Variants in PRSS23 observed in about 807,000 individuals in gnomAD.
PRSS23 encodes serine protease 23, also known as protease, serine 23.
A neutral mutation model predicts 34.7 loss-of-function variants in PRSS23; 25 were observed. The observed-to-expected ratio is 0.72, with a 90% CI of 0.53 to 1.01. PRSS23 has a LOEUF of 1.01. PRSS23 is among the 50% of genes least tolerant of loss of function. The pLI, the probability that PRSS23 is intolerant of heterozygous loss-of-function variation, is 0.00. For synonymous variants in PRSS23, 176 were observed against 186.6 expected (o/e 0.94, Z 0.46); for missense variants, 445 against 475.6 (o/e 0.94, Z 0.60).
chr11:86,911,375 T>C (rs562579106), intron 2 of PRSS23: 1 of 152,320 alleles, frequency 6.6e-6, no homozygotes, highest in African/African-American at 2.4e-5. Context: ...GTATATTGCA[T>C]AATGCTGATG....
chr11:86,833,261 A>T, intron 2 of PRSS23: 1 of 1,578,734 alleles, frequency 6.3e-7, no homozygotes, highest in Admixed American at 1.7e-5. Flanking sequence ...TCAGCCAAGG[A>T]CAGGTTGGAG....
chr11:86,873,686 C>G (rs1590905909), intron 2 of PRSS23, among the ~76,000 whole-genome samples: 1 of 152,120 alleles, frequency 6.6e-6, no homozygotes, highest in Admixed American at 6.5e-5. Flanking sequence ...TTTTCAAACT[C>G]AAAGTAAGTA....
At chr11:86,836,598 C>G (rs938503356) in intron 2 of PRSS23, among the ~76,000 whole-genome samples, 2 of 152,196 alleles carry the variant, frequency 1.3e-5, no homozygotes, top group Non-Finnish European at 2.9e-5. Flanking sequence ...GCTCCCTAGT[C>G]ACAACTTAGT....
At chr11:86,951,050 G>A (rs1282790182) in intron 2 of PRSS23, 2 of 1,355,610 alleles carry the variant, frequency 1.5e-6, no homozygotes. Context: ...TGTTCAAACT[G>A]AGATTCACTG....
At chr11:86,839,282 A>C (rs1303483995) in intron 2 of PRSS23, among the ~76,000 whole-genome samples, 16 of 152,248 alleles carry the variant, frequency 1.1e-4, no homozygotes, top group Admixed American at 1.0e-3. Context: ...TAGAATAAAC[A>C]GTGCAGAAGA....
chr11:86,934,271 G>T (rs1249171541), intron 2 of PRSS23: 1 of 152,182 alleles, frequency 6.6e-6, no homozygotes, highest in Non-Finnish European at 1.5e-5. Context: ...GTTTAACAAG[G>T]TGACTTGGAT....
rs371002898 is a variant in PRSS23, at chr11:86,910,319, CATA to C, written c.207-40890_207-40888del. ...AGTTTTCATACAGCTCTTCTCTGTT[CATA>C]ATAATACTGTGCACCTTCTCCAAAT... On this transcript the variant is annotated intron_variant, in intron 2 of 2. Coordinates refer to the PRSS23 transcript ENST00000533902. 8.5e-5 allele frequency: 13 copies of C among 152,226 alleles called. No homozygotes were observed. The East Asian group carries it at 2.5e-3, about 29-fold the overall frequency. 9.4% of individuals were successfully genotyped at this position (152,226 alleles called of 1,614,324 possible).
chr11:86,850,070 C>A (rs1948517459), intron 2 of PRSS23, among the ~76,000 whole-genome samples: 1 of 152,168 alleles, frequency 6.6e-6, no homozygotes. Flanking sequence ...TATGTTTAAC[C>A]AATGGATACC....
intron 2 of PRSS23, among the ~76,000 whole-genome samples, chr11:86,932,451 G>A (rs1172286820): frequency 6.6e-6 from 1 of 152,200 alleles, no homozygotes; most frequent in African/African-American, 2.4e-5. Context: ...TTTGCTGGGG[G>A]CTGAGAGTGT....
chr11:86,882,918 C>T (rs924518636), intron 2 of PRSS23, among the ~76,000 whole-genome samples: 6 of 152,158 alleles, frequency 3.9e-5, no homozygotes, highest in East Asian at 1.9e-4. Context: ...GATGGTATCT[C>T]ATTGTGGTTT....
At chr11:86,924,236 C>T (rs1949065727) in intron 2 of PRSS23, among the ~76,000 whole-genome samples, 1 of 152,106 alleles carries the variant, frequency 6.6e-6, no homozygotes, top group South Asian at 2.1e-4. Context: ...ACAGAAAGGT[C>T]GGCACCTGAG....
At chr11:86,881,554 A>G (rs1948772333) in intron 2 of PRSS23, among the ~76,000 whole-genome samples, 1 of 152,094 alleles carries the variant, frequency 6.6e-6, no homozygotes, top group African/African-American at 2.4e-5. Context: ...CTGCTCTATC[A>G]TTTCCCTTTC....
At chr11:86,876,562 C>T (rs1269173076) in intron 2 of PRSS23, among the ~76,000 whole-genome samples, 2 of 151,960 alleles carry the variant, frequency 1.3e-5, no homozygotes, top group African/African-American at 2.4e-5. Context: ...CAAAGTGTGG[C>T]CCATGGACCA....
chr11:86,878,298 T>C (rs1052230779), intron 2 of PRSS23, among the ~76,000 whole-genome samples: 1 of 138,292 alleles, frequency 7.2e-6, no homozygotes, highest in Non-Finnish European at 1.5e-5. Context: ...TTCCACGGTC[T>C]CCCACTGATG....
chr11:86,807,784 T>G lies in PRSS23; in HGVS notation c.141T>G (p.Asn47Lys). 1 of 1,614,154 alleles carries G rather than the reference T, an allele frequency of 6.2e-7. No homozygotes were observed. The highest frequency in any genetic ancestry group is 8.5e-7 in the Non-Finnish European group (1 of 1,180,014). ...TCGTCTTGCCCCAGTCTACCCTCAA[T>G]TTAGCCAAGCCAGACTTTGGAGCCG... is the stretch of plus-strand genomic sequence containing the variant. ...LPVVLPQSTL[N>K]LAKPDFGAEA... Residue 47 changes from asparagine to lysine, a missense_variant, in exon 2 of 2, where the codon AAT becomes AAG. By Grantham distance (94) the Asn-to-Lys change is moderately conservative. Transcript: ENST00000280258.
intron 2 of PRSS23, among the ~76,000 whole-genome samples, chr11:86,829,957 G>C (rs565984518): frequency 7.5e-4 from 115 of 152,322 alleles, no homozygotes; most frequent in African/African-American, 2.6e-3. Context: ...CCCACTTGAG[G>C]AGGCAGTCTG....
At chr11:86,857,145 G>C (rs530925323) in intron 2 of PRSS23, 2 of 331,186 alleles carry the variant, frequency 6.0e-6, no homozygotes, top group Non-Finnish European at 1.1e-5. Context: ...AGATGAAAGG[G>C]TTCAGCATGG....
intron 2 of PRSS23, chr11:86,936,465 C>T (rs1217909038): frequency 6.6e-6 from 1 of 152,194 alleles, no homozygotes; most frequent in African/African-American, 2.4e-5. Flanking sequence ...CAAGGTTTCT[C>T]CATGTTGGTC....
chr11:86,908,321 C>A (rs1410414768), intron 2 of PRSS23, among the ~76,000 whole-genome samples: 1 of 152,168 alleles, frequency 6.6e-6, no homozygotes, highest in East Asian at 1.9e-4. Flanking sequence ...TTCTCACCAA[C>A]AATGTACAAG....
Sources: allele counts gnomAD v4.1 joint callset (sites outside exome capture counted in the v4.1 genomes callset), GRCh38; gene constraint gnomAD v4.1.1; transcripts MANE v1.5; gene names NCBI Gene and HGNC (gene_info 2026-07-23, HGNC 2026-07-21).